TXN: variants seen among roughly 807,000 people sequenced by gnomAD.
TXN encodes ADF.
Under a neutral mutation model 16.5 loss-of-function variants are expected in TXN, and 10 were observed. The ratio of observed to expected loss-of-function variants is 0.61; its 90% confidence interval spans 0.37 to 1.03. The LOEUF (loss-of-function observed/expected upper bound fraction) is 1.03. Among genes scored for constraint, TXN ranks in the 50% least tolerant of loss-of-function variants. TXN has a pLI of 0.01. For missense variants in TXN, 71 were observed against 122.5 expected, an observed-to-expected ratio of 0.58 and a Z score of 1.98; for synonymous variants, 35 against 39.4, an observed-to-expected ratio of 0.89 and a Z score of 0.42.
At chr9:110,245,006 G>T in intron 3 of TXN, 163 bp from the exon 4 acceptor site, 1 of 517,806 alleles carries the variant, frequency 1.9e-6, no homozygotes, top group Non-Finnish European at 3.6e-6. Flanking sequence ...GAATATAATG[G>T]CATTACAAAA....
At chr9:110,251,513 T>G (rs765120372) in intron 1 of TXN, 51 bp from the exon 2 acceptor site, 1 of 989,102 alleles carries the variant, frequency 1.0e-6, no homozygotes, top group Non-Finnish European at 1.4e-6. Flanking sequence ...ATATTAAACC[T>G]TCAAAAGAAA....
chr9:110,252,229 A>ATAAATAAAT (rs1276318865), intron 1 of TXN, among the ~76,000 whole-genome samples: 1 of 114,156 alleles, frequency 8.8e-6, no homozygotes, highest in African/African-American at 3.1e-5. Flanking sequence ...GTCGCAAAAA[A>ATAAATAAAT]AAAAAAAAAA....
intron 1 of TXN, among the ~76,000 whole-genome samples, chr9:110,252,733 C>G (rs1036006752): frequency 6.6e-6 from 1 of 152,096 alleles, no homozygotes; most frequent in African/African-American, 2.4e-5. Flanking sequence ...TAACCTTTGC[C>G]TCCGGGGTTC....
chr9:110,250,800 T>C lies in TXN; in HGVS notation c.189+20A>G. 1 of 1,587,752 alleles carries C rather than the reference T, an allele frequency of 6.3e-7. No individual in the cohort carries two copies. Among genetic ancestry groups the C allele is most frequent in the Non-Finnish European group, 8.6e-7 (1 of 1,160,478 alleles). ...CCAATGTGAAAAGCTCAGCAGTATC[T>C]CATATTTCCAGCTACATACCTGACA... On this transcript the variant is annotated intron_variant, in intron 3 of 4. Transcript: ENST00000374517.
In TXN at chr9:110,244,969, T is replaced by C. The variant is rs1837628250; in HGVS notation, c.190-126A>G. The C allele has an allele frequency of 4.9e-6, 3 of 617,966 alleles. No homozygotes were observed. The African/African-American group carries it at 5.5e-5, about 11-fold the overall frequency. The allele number at this position is 617,966 out of a possible 1,614,324, so 38.3% of individuals were successfully genotyped here. A position where few individuals can be genotyped will look rare whatever the true frequency, so the allele number is the denominator to read the frequency against. The stretch of plus-strand genomic sequence containing the variant: ...ACCCCACATTTCCGCATGAGGACAT[T>C]TTTCAGCATATGAAAATTAATATAA... On this transcript the variant is annotated intron_variant, in intron 3 of 4. Transcript: ENST00000374517.
At chr9:110,244,429 CAT>C (rs4135224) in intron 4 of TXN, among the ~76,000 whole-genome samples, 16 of 144,190 alleles carry the variant, frequency 1.1e-4, no homozygotes, top group Admixed American at 9.3e-4. Flanking sequence ...CCCTGAATAA[CAT>C]ACAGTTCATT....
intron 3 of TXN, 127 bp from the exon 4 acceptor site, chr9:110,244,970 T>C: frequency 1.6e-6 from 1 of 609,852 alleles, no homozygotes; most frequent in Non-Finnish European, 3.0e-6. Context: ...TGAGGACATT[T>C]TTCAGCATAT....
chr9:110,249,606 G>A (rs1837702387), intron 3 of TXN, among the ~76,000 whole-genome samples: 1 of 152,180 alleles, frequency 6.6e-6, no homozygotes, highest in African/African-American at 2.4e-5. Flanking sequence ...GGTAGGAAAG[G>A]AAAGGACAGG....
chr9:110,250,370 T>C (rs1837716816), intron 3 of TXN, among the ~76,000 whole-genome samples: 1 of 152,250 alleles, frequency 6.6e-6, no homozygotes, highest in African/African-American at 2.4e-5. Flanking sequence ...AAAACATTTG[T>C]GGTTTCTAAT....
intron 3 of TXN, among the ~76,000 whole-genome samples, chr9:110,245,629 TA>T (rs1837641601): frequency 5.2e-5 from 1 of 19,326 alleles, no homozygotes; most frequent in African/African-American, 3.0e-4. Context: ...TATATATATA[TA>T]TATATATATA....
intron 1 of TXN, among the ~76,000 whole-genome samples, chr9:110,253,904 G>GTGTA (rs1837772883): frequency 6.6e-6 from 1 of 152,072 alleles, no homozygotes; most frequent in Non-Finnish European, 1.5e-5. Context: ...AAGCAGAACA[G>GTGTA]TGTAGTTGGG....
chr9:110,255,404 G>A (rs1248988933), intron 1 of TXN, among the ~76,000 whole-genome samples: 1 of 152,246 alleles, frequency 6.6e-6, no homozygotes, highest in Non-Finnish European at 1.5e-5. Flanking sequence ...TTTTAGGCTT[G>A]CAATAACTTT....
chr9:110,251,413 A>G lies in TXN; in HGVS notation c.74T>C (p.Val25Ala). The G allele has an allele frequency of 6.2e-7, 1 of 1,612,232 alleles. No homozygotes were observed. The highest frequency in any genetic ancestry group is 8.5e-7 in the Non-Finnish European group (1 of 1,179,862). Residue 25 changes from valine (V) to alanine (A), a missense_variant, in exon 2 of 5, where the codon GTT (valine) becomes GCT (alanine). Val to Ala is a moderately conservative substitution (Grantham distance 64). Transcript: ENST00000374517. ...CCCACACCACGTGGCTGAGAAGTCA[A>G]CTACTACAAGTTTATCACCTGCAGC... is the stretch of plus-strand genomic sequence containing the variant. Reference protein sequence around the residue: ...LDAAGDKLVVVDFSATWCGPC... With the variant: ...LDAAGDKLVVADFSATWCGPC...
intron 2 of TXN, 133 bp from the exon 3 acceptor site, chr9:110,251,012 G>A (rs1288707649): frequency 1.5e-6 from 1 of 677,672 alleles, no homozygotes; most frequent in East Asian, 2.8e-5. Flanking sequence ...GATCTTTGGA[G>A]ACATAGATCT....
chr9:110,254,668 T>C (rs1316968694), intron 1 of TXN, among the ~76,000 whole-genome samples: 1 of 152,224 alleles, frequency 6.6e-6, no homozygotes, highest in African/African-American at 2.4e-5. Flanking sequence ...GTCACCCTTG[T>C]ACACCTTTGT....
Position 110,256,029 on chromosome 9 carries a change from C to T in TXN, c.24+383G>A, listed in dbSNP as rs1388473401. Among the ~76,000 whole-genome samples, 2 of 152,208 alleles carry T rather than the reference C, an allele frequency of 1.3e-5. No individual in the cohort carries two copies. The highest frequency in any genetic ancestry group is 1.3e-4 in the Admixed American group (2 of 15,286). Reference sequence around the variant, plus strand: ...TTCCCTCATCTTCCTCCAGTCGGGGCTGCCCGGACGGGAGGGTGCAGGAGG... The same window carrying T: ...TTCCCTCATCTTCCTCCAGTCGGGGTTGCCCGGACGGGAGGGTGCAGGAGG... On this transcript the variant is annotated intron_variant, in intron 1 of 4. Coordinates refer to ENST00000374517, the MANE Select transcript of TXN (RefSeq NM_003329.4). This position sits in a 1 kb window ranked among gnomAD's most constrained non-coding sequence, Gnocchi z 4.2.
In TXN at chr9:110,249,125, C is replaced by CAAAAA. The variant is rs71302631; in HGVS notation, c.189+1690_189+1694dup. 2.0e-3 allele frequency among the ~76,000 whole-genome samples: 106 copies of CAAAAA among 53,844 alleles called. 3 individuals carry two copies. The highest frequency in any genetic ancestry group is 2.6e-3 in the African/African-American group (37 of 14,496). The allele number at this position is 53,844 out of a possible 152,430, so 35.3% of individuals were successfully genotyped here. A position where few individuals can be genotyped will look rare whatever the true frequency, so the allele number is the denominator to read the frequency against. ...CCAGGTGACAGAGTGAACTCCATCT[C>CAAAAA]AAAAAAAAAAAAAAAAAAAAAAAAA... On this transcript the variant is annotated intron_variant, in intron 3 of 4. Coordinates refer to ENST00000374517, the MANE Select transcript of TXN (RefSeq NM_003329.4).
rs4135158 is a variant in TXN, at chr9:110,256,017, C to T, written c.24+395G>A. Reference sequence around the variant, plus strand: ...GGACCCCTTCCATTCCCTCATCTTCCTCCAGTCGGGGCTGCCCGGACGGGA... The same window carrying T: ...GGACCCCTTCCATTCCCTCATCTTCTTCCAGTCGGGGCTGCCCGGACGGGA... On this transcript the variant is annotated intron_variant, in intron 1 of 4. Coordinates refer to ENST00000374517, the MANE Select transcript of TXN (RefSeq NM_003329.4). This position sits in a 1 kb window ranked among gnomAD's most constrained non-coding sequence, Gnocchi z 4.2. Among the ~76,000 whole-genome samples the T allele has an allele frequency of 1.8e-3, 279 of 152,338 alleles. 6 individuals carry two copies. Among genetic ancestry groups the T allele is most frequent in the Admixed American group, 0.017 (255 of 15,310 alleles).
Position 110,245,635 on chromosome 9 carries a change from TA to T in TXN, c.190-793del, listed in dbSNP as rs1564367386. 1.7e-3 allele frequency among the ~76,000 whole-genome samples: 45 copies of T among 25,758 alleles called. 1 individual carries two copies. Among genetic ancestry groups the T allele is most frequent in the African/African-American group, 7.6e-3 (42 of 5,504 alleles). The allele number at this position is 25,758 out of a possible 152,430, so 16.9% of individuals were successfully genotyped here. On this transcript the variant is annotated intron_variant, in intron 3 of 4. Coordinates refer to ENST00000374517, the MANE Select transcript of TXN (RefSeq NM_003329.4). ...CACACACACTATATATATATATATA[TA>T]TATATATATATATATATATTTTTTT... is the stretch of plus-strand genomic sequence containing the variant.
Sources: allele counts gnomAD v4.1 joint callset (sites outside exome capture counted in the v4.1 genomes callset), GRCh38; gene constraint gnomAD v4.1.1; non-coding constraint Gnocchi (gnomAD v3.1); transcripts MANE v1.5; gene names NCBI Gene and HGNC (gene_info 2026-07-23, HGNC 2026-07-21).